The following ANKRD17 variants were observed in gnomAD, a reference collection of about 807,000 sequenced individuals.
The protein encoded by ANKRD17 is ankyrin repeat domain 17.
ANKRD17 carries 19 observed loss-of-function variants against 229.7 expected under a neutral mutation model. That is an observed-to-expected ratio of 0.08 (90% CI 0.06 to 0.12). ANKRD17 has a LOEUF of 0.12. ANKRD17 is among the 10% of genes least tolerant of loss of function. The pLI is 1.00. For synonymous variants in ANKRD17, 1,112 were observed against 1,146.1 expected (o/e 0.97, Z 0.60); for missense variants, 2,176 against 3,176.8 (o/e 0.68, Z 7.57).
intron 14 of ANKRD17, among the ~76,000 whole-genome samples, chr4:73,140,485 T>C (rs1729460340): frequency 6.6e-6 from 1 of 152,212 alleles, no homozygotes; most frequent in Admixed American, 6.5e-5. Flanking sequence ...GCAAAATCTT[T>C]GTAAATTAAT....
chr4:73,202,956 C>A (rs1416339850), intron 1 of ANKRD17, among the ~76,000 whole-genome samples: 3 of 152,080 alleles, frequency 2.0e-5, no homozygotes, highest in Non-Finnish European at 4.4e-5. Flanking sequence ...GTCTATAAAA[C>A]TGAAAGATCA....
intron 1 of ANKRD17, among the ~76,000 whole-genome samples, chr4:73,184,507 G>C (rs1281168364): frequency 8.5e-6 from 1 of 118,150 alleles, no homozygotes; most frequent in African/African-American, 3.3e-5. Context: ...CAGCCTGAGG[G>C]ACAAGAGCTA....
chr4:73,204,374 A>G (rs1467999758), intron 1 of ANKRD17, among the ~76,000 whole-genome samples: 3 of 150,994 alleles, frequency 2.0e-5, no homozygotes, highest in Admixed American at 6.6e-5. Context: ...AAAAAAAAAA[A>G]AAAAAGAAAA....
At chr4:73,078,399 A>C (rs1215871121) in intron 31 of ANKRD17, among the ~76,000 whole-genome samples, 2 of 151,260 alleles carry the variant, frequency 1.3e-5, no homozygotes, top group African/African-American at 4.9e-5. Flanking sequence ...TTAGCTGGGC[A>C]TGGTGGCGCA....
chr4:73,224,995 T>C (rs995643083), intron 1 of ANKRD17, among the ~76,000 whole-genome samples: 6 of 152,258 alleles, frequency 3.9e-5, no homozygotes, highest in Non-Finnish European at 8.8e-5. Flanking sequence ...GTGGAATTAA[T>C]GGCAAACAAA....
intron 1 of ANKRD17, among the ~76,000 whole-genome samples, chr4:73,207,855 T>C (rs930436771): frequency 2.6e-5 from 4 of 152,130 alleles, no homozygotes; most frequent in African/African-American, 9.7e-5. Flanking sequence ...CTCTCTCAGA[T>C]TTGGCAAAAC....
intron 5 of ANKRD17, among the ~76,000 whole-genome samples, chr4:73,154,849 G>A (rs911295410): frequency 5.3e-5 from 8 of 152,062 alleles, no homozygotes; most frequent in African/African-American, 1.7e-4. Context: ...AGACCATCCC[G>A]GCTAAAACGG....
intron 10 of ANKRD17, among the ~76,000 whole-genome samples, chr4:73,145,776 C>T (rs1469192911): frequency 6.6e-6 from 1 of 152,096 alleles, no homozygotes; most frequent in African/African-American, 2.4e-5. Context: ...TTATGTCTCC[C>T]TTGTTAGACT....
rs1215302199 is a variant in ANKRD17 at position 73,125,407 on chromosome 4, A to G, written c.3235-95T>C. 1.3e-5 allele frequency: 12 copies of G among 895,608 alleles called. No homozygotes were observed. In the East Asian group the frequency reaches 1.6e-4, roughly 12 times the overall value. The allele number at this position is 895,608 out of a possible 1,614,324, so 55.5% of individuals were successfully genotyped here. On this transcript the variant is annotated intron_variant, in intron 16 of 33. Transcript: ENST00000358602. ...AAACATATCAAATACACACAAATAC[A>G]TATGTACCACTCTACAATATCAAGC...
At chr4:73,226,399 T>G (rs1358110279) in intron 1 of ANKRD17, among the ~76,000 whole-genome samples, 144 of 138,970 alleles carry the variant, frequency 1.0e-3, no homozygotes, top group Middle Eastern at 7.0e-3. Context: ...GTTTTTTTTT[T>G]TTTTTTTTTT....
At position 73,118,762 on chromosome 4, in the gene ANKRD17, G is replaced by A. The variant is rs751056771; in HGVS notation, c.4114C>T (p.Leu1372=). 1 of 1,613,732 alleles carries A rather than the reference G, an allele frequency of 6.2e-7. No individual in the cohort carries two copies. The highest frequency in any genetic ancestry group is 1.1e-5 in the South Asian group (1 of 91,074). ...TCCACATCTGCACCTGCTTGCACCA[G>A]TAACTGAACCACATCGAGGTGTCCA... The part of the protein sequence containing the change: ...NGGHLDVVQL[L]VQAGADVDAA... Residue 1372 remains leucine, a synonymous_variant, in exon 22 of 34, where the codon CTG becomes TTG. Transcript: ENST00000358602.
At chr4:73,183,861 T>C (rs1735914340) in intron 1 of ANKRD17, among the ~76,000 whole-genome samples, 2 of 152,198 alleles carry the variant, frequency 1.3e-5, no homozygotes, top group Non-Finnish European at 2.9e-5. Context: ...ACTGTAGAAG[T>C]TGCTTTTATT....
intron 1 of ANKRD17, among the ~76,000 whole-genome samples, chr4:73,241,734 A>G (rs1478867876): frequency 6.6e-6 from 1 of 152,174 alleles, no homozygotes. Flanking sequence ...GTTTCTTCAA[A>G]TAAATTTGAA....
At chr4:73,199,748 A>T (rs1738396510) in intron 1 of ANKRD17, among the ~76,000 whole-genome samples, 1 of 152,198 alleles carries the variant, frequency 6.6e-6, no homozygotes, top group Admixed American at 6.5e-5. Context: ...CGACAACGAA[A>T]GCTCAATATG....
intron 6 of ANKRD17, 96 bp from the exon 7 acceptor site, chr4:73,151,620 A>G: frequency 2.2e-6 from 2 of 923,832 alleles, no homozygotes; most frequent in East Asian, 3.0e-5. Flanking sequence ...TTTAACTTAC[A>G]GCATTAAATT....
intron 19 of ANKRD17, 25 bp downstream of exon 19, chr4:73,121,592 C>T: frequency 6.2e-7 from 1 of 1,612,714 alleles, no homozygotes; most frequent in Non-Finnish European, 8.5e-7. Context: ...AAATAAGGGG[C>T]TTACAGAAAG....
At chr4:73,103,297 A>G (rs1190675833) in intron 24 of ANKRD17, among the ~76,000 whole-genome samples, 1 of 152,148 alleles carries the variant, frequency 6.6e-6, no homozygotes, top group Non-Finnish European at 1.5e-5. Flanking sequence ...ATACAGAAAA[A>G]AAAACCATAA....
intron 28 of ANKRD17, 42 bp downstream of exon 28, chr4:73,094,037 G>T: frequency 6.3e-7 from 1 of 1,586,368 alleles, no homozygotes; most frequent in Non-Finnish European, 8.6e-7. Flanking sequence ...AAGCTATAGT[G>T]CAATAAAATA....
intron 1 of ANKRD17, among the ~76,000 whole-genome samples, chr4:73,197,577 C>A (rs1034563720): frequency 6.6e-6 from 1 of 152,154 alleles, no homozygotes; most frequent in Non-Finnish European, 1.5e-5. Context: ...TGTCTGTAAT[C>A]CCTGCACTTT....
Sources: allele counts gnomAD v4.1 joint callset (sites outside exome capture counted in the v4.1 genomes callset), GRCh38; gene constraint gnomAD v4.1.1; transcripts MANE v1.5; gene names NCBI Gene and HGNC (gene_info 2026-07-23, HGNC 2026-07-21).